CSMD1: variants seen among roughly 807,000 people sequenced by gnomAD.
CSMD1 encodes CUB and sushi domain-containing protein 1.
A neutral mutation model predicts 417.5 loss-of-function variants in CSMD1; 213 were observed. The ratio of observed to expected loss-of-function variants is 0.51; its 90% CI spans 0.46 to 0.57. The LOEUF is 0.57. CSMD1 is among the 20% of genes least tolerant of loss of function. CSMD1 has a pLI of 0.00. For synonymous variants in CSMD1, 2,862 were observed against 1,736.8 expected (o/e 1.65, Z -16.11); for missense variants, 6,923 against 4,529.7 (o/e 1.53, Z -15.17).
chr8:4,199,087 G>A lies in CSMD1; in HGVS notation c.416-166988C>T, dbSNP rs144000870. ...AAACCCCTGAGGTAGTAGAGCCAGC[G>A]CCCAGCTCACCCTGAGCTTCTGCTG... On this transcript the variant is annotated intron_variant, in intron 3 of 69. Transcript: ENST00000635120. 7.8e-3 allele frequency among the ~76,000 whole-genome samples: 1,181 copies of A among 152,160 alleles called. 12 individuals carry two copies. The highest frequency in any genetic ancestry group is 9.9e-3 in the Non-Finnish European group (671 of 68,014).
At chr8:3,481,154 C>CA (rs1221192557) in intron 11 of CSMD1, among the ~76,000 whole-genome samples, 1,550 of 68,570 alleles carry the variant, frequency 0.023, 47 homozygotes, top group East Asian at 0.066. Context: ...GACTCCATCT[C>CA]AAAAAAAAAA....
At chr8:3,757,231 T>C (rs974127639) in intron 5 of CSMD1, among the ~76,000 whole-genome samples, 10 of 152,172 alleles carry the variant, frequency 6.6e-5, no homozygotes, top group African/African-American at 1.4e-4. Context: ...AGAACAATGA[T>C]AGTTTTGTGT....
chr8:3,757,614 G>A (rs567884529), intron 5 of CSMD1, among the ~76,000 whole-genome samples: 2 of 152,228 alleles, frequency 1.3e-5, no homozygotes, highest in East Asian at 1.9e-4. Context: ...TGTAATCCCA[G>A]CACTTTGGGA....
intron 5 of CSMD1, among the ~76,000 whole-genome samples, chr8:3,926,850 G>C (rs866818450): frequency 1.3e-5 from 2 of 150,414 alleles, no homozygotes; most frequent in African/African-American, 2.4e-5. Context: ...CAAGTAGCTG[G>C]GATTACAGGC....
chr8:3,546,500 C>T (rs896124821), intron 10 of CSMD1, among the ~76,000 whole-genome samples: 1 of 151,108 alleles, frequency 6.6e-6, no homozygotes, highest in African/African-American at 2.4e-5. Context: ...CCTGCCACCG[C>T]ACTCCAGCCT....
At chr8:3,758,210 C>T (rs1157288039) in intron 5 of CSMD1, among the ~76,000 whole-genome samples, 9 of 152,104 alleles carry the variant, frequency 5.9e-5, no homozygotes, top group Non-Finnish European at 1.0e-4. Context: ...GTGATCCAAC[C>T]CCATCATCTT....
At position 4,917,298 on chromosome 8, in the gene CSMD1, C is replaced by T. The variant is rs1806129590; in HGVS notation, c.85+77034G>A. 2.6e-5 allele frequency among the ~76,000 whole-genome samples: 4 copies of T among 152,204 alleles called. No individual in the cohort carries two copies. In the East Asian group the frequency reaches 7.7e-4, roughly 29 times the overall value. On this transcript the variant is annotated intron_variant, in intron 1 of 69. Transcript: ENST00000635120. ...AAAACCACCCCCACGATCCAATCAC[C>T]TCCAATCAGGCCCCACCTTCAACAC... is the stretch of plus-strand genomic sequence containing the variant.
At chr8:4,964,411 T>A (rs1389168874) in intron 1 of CSMD1, among the ~76,000 whole-genome samples, 2 of 139,610 alleles carry the variant, frequency 1.4e-5, no homozygotes, top group African/African-American at 2.7e-5. Context: ...CCCAGCTACC[T>A]GGGAAGCTGA....
At chr8:4,975,747 G>T (rs561477363) in intron 1 of CSMD1, among the ~76,000 whole-genome samples, 1 of 152,196 alleles carries the variant, frequency 6.6e-6, no homozygotes, top group East Asian at 1.9e-4. Context: ...ATGAAGACAC[G>T]GCCAACTGTT....
rs372623342 is a variant in CSMD1, at chr8:3,650,982, CT to C, written c.1010-34186del. Among the ~76,000 whole-genome samples the C allele has an allele frequency of 2.0e-5, 3 of 152,274 alleles. No homozygotes were observed. The South Asian group carries it at 6.2e-4, about 32-fold the overall frequency. The stretch of plus-strand genomic sequence containing the variant: ...ATTTCCCTATAGTAAACACCTTTAT[CT>C]TTTAGTTCCTTAGACCAAAAACCTT... On this transcript the variant is annotated intron_variant, in intron 7 of 69. Transcript: ENST00000635120.
At chr8:3,186,349 C>T (rs545982548) in intron 36 of CSMD1, among the ~76,000 whole-genome samples, 37 of 152,176 alleles carry the variant, frequency 2.4e-4, no homozygotes, top group African/African-American at 8.0e-4. Flanking sequence ...TGAGTTCTAG[C>T]TTTTAAGGAC....
rs577486240 is a variant in CSMD1 at position 3,523,675 on chromosome 8, G to A, written c.1345-29949C>T. Reference sequence around the variant, plus strand: ...GGCACAGTTACACATGCACACACACGTACACCCAGAGAGACATATGCACAC... The same window carrying A: ...GGCACAGTTACACATGCACACACACATACACCCAGAGAGACATATGCACAC... On this transcript the variant is annotated intron_variant, in intron 10 of 69. Coordinates refer to ENST00000635120, the MANE Select transcript of CSMD1 (RefSeq NM_033225.6). Among the ~76,000 whole-genome samples the A allele has an allele frequency of 9.5e-5, 8 of 84,310 alleles. No individual in the cohort carries two copies. The South Asian group carries it at 1.2e-3, about 13-fold the overall frequency. 55.3% of individuals were successfully genotyped at this position (84,310 alleles called of 152,430 possible).
chr8:4,535,852 C>T (rs1036099638), intron 2 of CSMD1, among the ~76,000 whole-genome samples: 5 of 152,110 alleles, frequency 3.3e-5, no homozygotes, highest in African/African-American at 1.2e-4. Context: ...CTCCTGCTTC[C>T]AATTCAAACT....
intron 1 of CSMD1, among the ~76,000 whole-genome samples, chr8:4,972,814 TGCTC>T (rs1810324057): frequency 1.3e-5 from 2 of 152,188 alleles, no homozygotes; most frequent in Non-Finnish European, 2.9e-5. Flanking sequence ...TCTTGTTAAT[TGCTC>T]TATTTCCTGA....
intron 1 of CSMD1, among the ~76,000 whole-genome samples, chr8:4,670,322 G>C (rs545553449): frequency 5.9e-5 from 9 of 152,098 alleles, no homozygotes; most frequent in Non-Finnish European, 1.2e-4. Flanking sequence ...CTAGGGAATA[G>C]CTGACTTTGT....
intron 12 of CSMD1, among the ~76,000 whole-genome samples, chr8:3,451,035 T>C (rs1815677477): frequency 6.6e-6 from 1 of 152,222 alleles, no homozygotes; most frequent in Non-Finnish European, 1.5e-5. Context: ...TGTCTCATTG[T>C]GGTTTTGATT....
chr8:3,657,048 T>C (rs538314947), intron 7 of CSMD1, among the ~76,000 whole-genome samples: 11 of 126,838 alleles, frequency 8.7e-5, no homozygotes, highest in African/African-American at 2.9e-4. Flanking sequence ...GCCAGGGCAT[T>C]TTTGGGATAA....
At chr8:3,110,441 G>A (rs949360566) in intron 42 of CSMD1, 106 bp from the exon 43 acceptor site, 24 of 891,178 alleles carry the variant, frequency 2.7e-5, no homozygotes, top group Admixed American at 2.5e-4. Flanking sequence ...TTCCTGATGG[G>A]AAATAGGTGT....
At chr8:4,399,353 A>G (rs1409899000) in intron 3 of CSMD1, among the ~76,000 whole-genome samples, 2 of 152,348 alleles carry the variant, frequency 1.3e-5, no homozygotes, top group African/African-American at 2.4e-5. Flanking sequence ...GTGAAGTACT[A>G]AATTACAGAA....
Sources: gnomAD v4.1 joint callset for allele counts (sites outside exome capture counted in the v4.1 genomes callset) on GRCh38, gnomAD v4.1.1 for gene constraint, MANE v1.5 for transcripts, NCBI Gene and HGNC (gene_info 2026-07-23, HGNC 2026-07-21) for gene names.